Variants in AURKA observed in about 807,000 individuals in gnomAD.
AURKA encodes the protein aurora kinase A.
A neutral mutation model predicts 40.9 loss-of-function variants in AURKA; 12 were observed. The ratio of observed to expected loss-of-function variants is 0.29; its 90% CI spans 0.19 to 0.48. AURKA has a LOEUF of 0.48. AURKA is among the 20% of genes least tolerant of loss of function. AURKA has a pLI of 0.99. For synonymous variants in AURKA, 170 were observed against 164.3 expected (o/e 1.03, Z -0.26); for missense variants, 322 against 462.1 (o/e 0.70, Z 2.78).
chr20:56,383,586 G>A (rs765401518), intron 4 of AURKA, among the ~76,000 whole-genome samples: 62 of 152,340 alleles, frequency 4.1e-4, no homozygotes, highest in Admixed American at 1.2e-3. Context: ...AGTCCCAGAG[G>A]TGCTAATTCT....
At chr20:56,372,666 G>A (rs1011223030) in intron 7 of AURKA, among the ~76,000 whole-genome samples, 1 of 151,492 alleles carries the variant, frequency 6.6e-6, no homozygotes, top group Non-Finnish European at 1.5e-5. Context: ...TTTTTAACTA[G>A]CTTGATTTTT....
At chr20:56,376,371 T>C (rs894487621) in intron 6 of AURKA, among the ~76,000 whole-genome samples, 3 of 152,146 alleles carry the variant, frequency 2.0e-5, no homozygotes, top group African/African-American at 7.2e-5. Context: ...TAGCTAATAT[T>C]TAAAAAAGCA....
At chr20:56,386,143 C>T (rs1986326056) in intron 3 of AURKA, 114 bp downstream of exon 3, 1 of 1,451,680 alleles carries the variant, frequency 6.9e-7, no homozygotes. Flanking sequence ...TTCTCCCCAT[C>T]CTCAACAGAT....
chr20:56,376,032 C>T (rs1984877001), intron 6 of AURKA, among the ~76,000 whole-genome samples: 1 of 152,178 alleles, frequency 6.6e-6, no homozygotes, highest in African/African-American at 2.4e-5. Flanking sequence ...ACCAAAACTC[C>T]ATCTAGATTG....
intron 7 of AURKA, among the ~76,000 whole-genome samples, chr20:56,371,117 G>T (rs1333145190): frequency 6.6e-6 from 1 of 152,128 alleles, no homozygotes; most frequent in Non-Finnish European, 1.5e-5. Flanking sequence ...TAGATACTTG[G>T]TACGAGTGAT....
intron 2 of AURKA, among the ~76,000 whole-genome samples, chr20:56,387,046 T>C (rs1015905725): frequency 6.6e-6 from 1 of 152,172 alleles, no homozygotes; most frequent in Non-Finnish European, 1.5e-5. Flanking sequence ...TACTGTACTA[T>C]TGATTAACCA....
chr20:56,371,381 G>A (rs898349356), intron 7 of AURKA, among the ~76,000 whole-genome samples: 1 of 151,356 alleles, frequency 6.6e-6, no homozygotes, highest in Non-Finnish European at 1.5e-5. Flanking sequence ...AGAATGGCGT[G>A]AACCCGGGAG....
At position 56,386,477 on chromosome 20, in the gene AURKA, A is replaced by G; in HGVS notation, c.99T>C (p.Cys33=). The G allele has an allele frequency of 6.2e-7, 1 of 1,614,248 alleles. No homozygotes were observed. The highest frequency in any genetic ancestry group is 8.5e-7 in the Non-Finnish European group (1 of 1,180,038). Reference sequence around the variant, plus strand: ...CACTATTTACAGGTAATGGATTCTGACAAGGAAATTGCTGAGTCACGAGAA... The same window carrying G: ...CACTATTTACAGGTAATGGATTCTGGCAAGGAAATTGCTGAGTCACGAGAA... ...KRVLVTQQFP[C]QNPLPVNSGQ... Residue 33 remains cysteine, a synonymous_variant, in exon 3 of 9, where the codon TGT becomes TGC. Coordinates refer to ENST00000395915, the MANE Select transcript of AURKA (RefSeq NM_198437.3).
rs774640689 is a variant in AURKA at position 56,370,365 on chromosome 20, A to G, written c.1030-25T>C. 6 of 1,614,060 alleles carry G rather than the reference A, an allele frequency of 3.7e-6. No individual in the cohort carries two copies. The African/African-American group carries it at 6.7e-5, about 18-fold the overall frequency. ...CCTGGAGTACAACAAATGATAAAAT[A>G]TCACAAAACACAGGTTAGAGAGATC... On this transcript the variant is annotated intron_variant, in intron 8 of 8. Coordinates refer to ENST00000395915, the MANE Select transcript of AURKA (RefSeq NM_198437.3).
At position 56,373,286 on chromosome 20, in the gene AURKA, C is replaced by T. The variant is rs555072191; in HGVS notation, c.854+122G>A. Reference sequence around the variant, plus strand: ...AAGCCTAAATTACTCCAAAGTACTTCTGGGTTAGCCACCTACCCCTCTTAC... The same window carrying T: ...AAGCCTAAATTACTCCAAAGTACTTTTGGGTTAGCCACCTACCCCTCTTAC... On this transcript the variant is annotated intron_variant, in intron 7 of 8. Transcript: ENST00000395915. The surrounding 1 kb of genome is among the most constrained non-coding windows in gnomAD (Gnocchi z 5.0). 2 of 1,337,072 alleles carry T rather than the reference C, an allele frequency of 1.5e-6. No individual in the cohort carries two copies. The highest frequency in any genetic ancestry group is 2.4e-5 in the South Asian group (2 of 83,668). The allele number at this position is 1,337,072 out of a possible 1,614,324, so 82.8% of individuals were successfully genotyped here.
intron 3 of AURKA, among the ~76,000 whole-genome samples, chr20:56,385,984 C>T (rs1408555490): frequency 6.6e-6 from 1 of 152,208 alleles, no homozygotes; most frequent in Non-Finnish European, 1.5e-5. Flanking sequence ...TACATCCAGA[C>T]TCAGTAACAA....
At chr20:56,382,100 G>A (rs1985783637) in intron 5 of AURKA, among the ~76,000 whole-genome samples, 3 of 151,488 alleles carry the variant, frequency 2.0e-5, no homozygotes, top group South Asian at 2.1e-4. Context: ...GGAGGCAGAG[G>A]TTGCAGTGAG....
At chr20:56,390,531 T>TC (rs1277723560) in intron 1 of AURKA, 7 of 152,114 alleles carry the variant, frequency 4.6e-5, no homozygotes, top group African/African-American at 1.7e-4. Flanking sequence ...GGTCTGGAAC[T>TC]CCCGACCTCA....
intron 2 of AURKA, among the ~76,000 whole-genome samples, chr20:56,387,716 T>G (rs2064863): frequency 0.46 from 69,405 of 152,094 alleles, 18,057 homozygotes; most frequent in Non-Finnish European, 0.59. Flanking sequence ...ATTAGCACAC[T>G]GTCCACAACG....
chr20:56,377,499 A>T (rs2146162597), intron 6 of AURKA, among the ~76,000 whole-genome samples: 1 of 152,260 alleles, frequency 6.6e-6, no homozygotes, highest in Non-Finnish European at 1.5e-5. Context: ...ACATAAAAAG[A>T]TGTTCAAGGC....
At chr20:56,383,311 A>C (rs1985965105) in intron 4 of AURKA, 135 bp from the exon 5 acceptor site, 1 of 945,306 alleles carries the variant, frequency 1.1e-6, no homozygotes, top group Non-Finnish European at 1.6e-6. Context: ...GCAAGAACCA[A>C]GGCAATAACC....
chr20:56,388,192 G>A lies in AURKA; in HGVS notation c.6C>T (p.Asp2=). The A allele has an allele frequency of 9.7e-7, 1 of 1,032,392 alleles. No homozygotes were observed. The highest frequency in any genetic ancestry group is 1.2e-6 in the Non-Finnish European group (1 of 852,760). 64.0% of individuals were successfully genotyped at this position (1,032,392 alleles called of 1,614,324 possible). The change falls in exon 2 of 9, where the codon GAC becomes GAT. Residue 2 remains aspartate, a synonymous_variant. Coordinates refer to ENST00000395915, the MANE Select transcript of AURKA (RefSeq NM_198437.3). The part of the protein sequence containing the change: M[D]RSKENCISGP... ...CTGAAATGCAGTTTTCTTTAGATCG[G>A]TCCATGATGCCTGAAAAGAAAAAGA...
At position 56,373,630 on chromosome 20, in the gene AURKA, A is replaced by G. The variant is rs1984556834; in HGVS notation, c.706-74T>C. The G allele has an allele frequency of 6.5e-7, 1 of 1,539,396 alleles. No homozygotes were observed. The highest frequency in any genetic ancestry group is 8.9e-7 in the Non-Finnish European group (1 of 1,117,556). On this transcript the variant is annotated intron_variant, in intron 6 of 8. Transcript: ENST00000395915. This position sits in a 1 kb window ranked among gnomAD's most constrained non-coding sequence, Gnocchi z 5.0. ...AGTTAATATTAGACATCTCTTCCGAAAGGAACACAACATAGATTTAACATG... is the reference window on the plus strand; with the variant it reads ...AGTTAATATTAGACATCTCTTCCGAGAGGAACACAACATAGATTTAACATG...
At chr20:56,378,909 A>G (rs1237074655) in intron 6 of AURKA, among the ~76,000 whole-genome samples, 1 of 150,974 alleles carries the variant, frequency 6.6e-6, no homozygotes, top group Non-Finnish European at 1.5e-5. Context: ...GAGACACAGG[A>G]TTTTTTTTTT....
Sources: allele counts gnomAD v4.1 joint callset (sites outside exome capture counted in the v4.1 genomes callset), GRCh38; gene constraint gnomAD v4.1.1; non-coding constraint Gnocchi (gnomAD v3.1); transcripts MANE v1.5; gene names NCBI Gene and HGNC (gene_info 2026-07-23, HGNC 2026-07-21).